Variants in ALDH16A1 observed in about 807,000 individuals in gnomAD.
ALDH16A1 encodes aldehyde dehydrogenase 16 family member A1.
ALDH16A1 carries 88 observed loss-of-function variants against 96.1 expected under a neutral mutation model. The ratio of observed to expected loss-of-function variants is 0.92; its 90% CI spans 0.77 to 1.09. The LOEUF is 1.09. ALDH16A1 is among the 50% of genes least tolerant of loss of function. The probability of loss-of-function intolerance (pLI) is 0.00; values close to 1 mark genes in which losing one functional copy is unlikely to be tolerated. For synonymous variants in ALDH16A1, 522 were observed against 496.4 expected, an observed-to-expected ratio of 1.05 and a Z score of -0.69; for missense variants, 1,250 against 1,112.6, an observed-to-expected ratio of 1.12 and a Z score of -1.76.
At chr19:49,458,088 G>A (rs1046848813) in intron 1 of ALDH16A1, among the ~76,000 whole-genome samples, 4 of 151,992 alleles carry the variant, frequency 2.6e-5, no homozygotes, top group Admixed American at 1.3e-4. Context: ...ATGTGGTGGC[G>A]GGCGCCTGTA....
At position 49,461,721 on chromosome 19, in the gene ALDH16A1, T is replaced by G. The variant is rs1358490752; in HGVS notation, c.680T>G (p.Leu227Arg). 1.9e-6 allele frequency: 3 copies of G among 1,610,148 alleles called. No homozygotes were observed. The highest frequency in any genetic ancestry group is 3.3e-4 in the Middle Eastern group (2 of 6,054). ...CCCTTCCCGGGAATCCTGAATGTCC[T>G]CAGTGGCCCTGCGTCCCTGGTGCCC... ...LGPFPGILNV[L>R]SGPASLVPIL... The change falls in exon 6 of 17, where the codon CTC becomes CGC. Residue 227 changes from leucine (L) to arginine (R), a missense_variant. Physicochemically the swap from Leu to Arg is moderately radical, Grantham distance 102. Transcript: ENST00000293350.
rs759680540 is a variant in ALDH16A1, at chr19:49,459,804, A to G, written c.455A>G (p.Gln152Arg). The G allele has an allele frequency of 5.8e-5, 94 of 1,613,462 alleles. 1 individual carries two copies. In the South Asian group the frequency reaches 1.0e-3, roughly 18 times the overall value. The change falls in exon 4 of 17, where the codon CAG becomes CGG. Residue 152 changes from glutamine (Q) to arginine (R), a missense_variant. Physicochemically the swap from Gln to Arg is conservative, Grantham distance 43. Coordinates refer to ENST00000293350, the MANE Select transcript of ALDH16A1 (RefSeq NM_153329.4). This position sits in a 1 kb window ranked among gnomAD's most constrained non-coding sequence, Gnocchi z 4.1. ...AQQLLHYHAIQASTQEEALAG... is the reference protein window; with the variant it reads ...AQQLLHYHAIRASTQEEALAG... ...CAGCTGCTCCACTACCATGCAATCC[A>G]GGCATCCACCCAGGAGGAGGCACTG...
rs773236314 is a variant in ALDH16A1 at position 49,470,306 on chromosome 19, G to T, written c.2248G>T (p.Gly750Cys). Residue 750 changes from glycine to cysteine, a missense_variant and splice_region_variant, in exon 17 of 17, where the codon GGT becomes TGT. By Grantham distance (159) the Gly-to-Cys change is radical. Transcript: ENST00000293350. ...QAMWYFGSAQ[G>C]SQFVEWASAG... ...TACCCCCGTCTCTTCCTCCCCTCAG[G>T]GTTCCCAGTTTGTCGAGTGGGCCTC... is the stretch of plus-strand genomic sequence containing the variant. 4 of 1,613,322 alleles carry T rather than the reference G, an allele frequency of 2.5e-6. No individual in the cohort carries two copies. In the East Asian group the frequency reaches 6.7e-5, roughly 27 times the overall value.
In ALDH16A1 at chr19:49,464,708, C is replaced by A. The variant is rs1439960510; in HGVS notation, c.1514C>A (p.Thr505Asn). The change falls in exon 12 of 17, where the codon ACC (threonine) becomes AAC (asparagine). Residue 505 changes from threonine (T) to asparagine (N), a missense_variant. Thr to Asn is a moderately conservative substitution (Grantham distance 65). Coordinates refer to ENST00000293350, the MANE Select transcript of ALDH16A1 (RefSeq NM_153329.4). ...CTCTCCAAGAACCTGAACTATGACA[C>A]CTTTGGCCTCGCTGTTCCCTCAACC... The part of the protein sequence containing the change: ...SCLSKNLNYD[T>N]FGLAVPSTLP... 6 of 1,613,472 alleles carry A rather than the reference C, an allele frequency of 3.7e-6. No individual in the cohort carries two copies. The highest frequency in any genetic ancestry group is 2.2e-5 in the East Asian group (1 of 44,902).
In ALDH16A1 at chr19:49,459,118, C is replaced by A; in HGVS notation, c.320+32C>A. 1 of 1,592,680 alleles carries A rather than the reference C, an allele frequency of 6.3e-7. No homozygotes were observed. Among genetic ancestry groups the A allele is most frequent in the Non-Finnish European group, 8.6e-7 (1 of 1,166,502 alleles). On this transcript the variant is annotated intron_variant, in intron 3 of 16. Transcript: ENST00000293350. This position sits in a 1 kb window ranked among gnomAD's most constrained non-coding sequence, Gnocchi z 4.1. Reference sequence around the variant, plus strand: ...CAGCTGAGGTGTGGACCCCGGGAGGCGGGGAACCCCAGCATCCACTCGAGA... The same window carrying A: ...CAGCTGAGGTGTGGACCCCGGGAGGAGGGGAACCCCAGCATCCACTCGAGA...
chr19:49,466,554 T>C (rs1452985821), intron 14 of ALDH16A1, among the ~76,000 whole-genome samples: 1 of 152,076 alleles, frequency 6.6e-6, no homozygotes. Context: ...TGTTAGGCGG[T>C]TCTCACATTG....
Position 49,459,367 on chromosome 19 carries a change from C to T in ALDH16A1, c.320+281C>T, listed in dbSNP as rs1332378645. Among the ~76,000 whole-genome samples, 1 of 152,174 alleles carries T rather than the reference C, an allele frequency of 6.6e-6. No individual in the cohort carries two copies. The highest frequency in any genetic ancestry group is 1.5e-5 in the Non-Finnish European group (1 of 68,038). On this transcript the variant is annotated intron_variant, in intron 3 of 16. Transcript: ENST00000293350. This position sits in a 1 kb window ranked among gnomAD's most constrained non-coding sequence, Gnocchi z 4.1. ...GAAGCCCCTAAATCCATTTCCTAGCCGCTTGCGGGGAAGCTAGAGACAAAA... is the reference window on the plus strand; with the variant it reads ...GAAGCCCCTAAATCCATTTCCTAGCTGCTTGCGGGGAAGCTAGAGACAAAA...
chr19:49,468,159 CAAA>C lies in ALDH16A1; in HGVS notation c.1939-209_1939-207del, dbSNP rs138585582. ...AGGGCGACAGAGTGAGAGTCCGTCT[CAAA>C]AAAAAAAAAAAAGAAAGGCGGTTAT... On this transcript the variant is annotated intron_variant, in intron 14 of 16. Coordinates refer to ENST00000293350, the MANE Select transcript of ALDH16A1 (RefSeq NM_153329.4). This position sits in a 1 kb window ranked among gnomAD's most constrained non-coding sequence, Gnocchi z 4.4. The C allele has an allele frequency of 2.2e-3, 892 of 409,010 alleles. No homozygotes were observed. Among genetic ancestry groups the C allele is most frequent in the South Asian group, 3.3e-3 (101 of 30,686 alleles). The allele number at this position is 409,010 out of a possible 1,614,324, so 25.3% of individuals were successfully genotyped here.
intron 14 of ALDH16A1, among the ~76,000 whole-genome samples, chr19:49,467,752 G>C (rs1186870528): frequency 6.6e-6 from 1 of 151,750 alleles, no homozygotes; most frequent in Non-Finnish European, 1.5e-5. Flanking sequence ...GAACGCGCAG[G>C]CTTGTTACAT....
Position 49,470,649 on chromosome 19 carries a change from T to TTTC in ALDH16A1, c.*184_*185insCTT. Reference sequence around the variant, plus strand: ...TTCTGGCAGATATGAGGCTTTTTTCTTTTTTTTTTTTTTTTTTGAGACAAC... The same window carrying TTTC: ...TTCTGGCAGATATGAGGCTTTTTTCTTTCTTTTTTTTTTTTTTTTTGAGACAAC... On this transcript the variant is annotated 3_prime_UTR_variant, in exon 17 of 17. Transcript: ENST00000293350. 8.1e-6 allele frequency: 1 copy of TTTC among 123,970 alleles called. No homozygotes were observed. The highest frequency in any genetic ancestry group is 6.2e-5 in the African/African-American group (1 of 16,038). 7.7% of individuals were successfully genotyped at this position (123,970 alleles called of 1,614,324 possible).
chr19:49,453,658 A>G (rs1004622272), intron 1 of ALDH16A1, among the ~76,000 whole-genome samples: 1 of 151,950 alleles, frequency 6.6e-6, no homozygotes, highest in Non-Finnish European at 1.5e-5. Flanking sequence ...CTTGATCCTG[A>G]ACTCCTCGTA....
chr19:49,462,621 C>T lies in ALDH16A1; in HGVS notation c.964C>T (p.Arg322Trp), dbSNP rs1328611372. ...QESVWDEAMR[R>W]LQERMGRLRS... is the part of the protein sequence containing the mutation. ...GTCTGTGTGGGATGAAGCCATGAGA[C>T]GGCTGCAGGAGCGGATGGGGCGGCT... The change falls in exon 8 of 17, where the codon CGG (arginine) becomes TGG (tryptophan). Residue 322 changes from arginine to tryptophan, a missense_variant. Arg to Trp is a moderately radical substitution (Grantham distance 101, BLOSUM62 -3). Coordinates refer to ENST00000293350, the MANE Select transcript of ALDH16A1 (RefSeq NM_153329.4). 13 of 1,613,006 alleles carry T rather than the reference C, an allele frequency of 8.1e-6. No individual in the cohort carries two copies. The highest frequency in any genetic ancestry group is 2.2e-5 in the East Asian group (1 of 44,876).
At position 49,459,855 on chromosome 19, in the gene ALDH16A1, C is replaced by A. The variant is rs750082675; in HGVS notation, c.499+7C>A. On this transcript the variant is annotated splice_region_variant and intron_variant, in intron 4 of 16. Transcript: ENST00000293350. This position sits in a 1 kb window ranked among gnomAD's most constrained non-coding sequence, Gnocchi z 4.1. ...GCAGGCTGGGAGCCCATGGGTGAGA[C>A]CCTGGAGTCCCTAGCCCTATCCTCC... 1 of 1,612,040 alleles carries A rather than the reference C, an allele frequency of 6.2e-7. No homozygotes were observed. Among genetic ancestry groups the A allele is most frequent in the Admixed American group, 1.7e-5 (1 of 59,674 alleles).
chr19:49,465,781 G>C lies in ALDH16A1; in HGVS notation c.1612G>C (p.Ala538Pro), dbSNP rs766273749. The C allele has an allele frequency of 1.2e-6, 2 of 1,614,112 alleles. No homozygotes were observed. The highest frequency in any genetic ancestry group is 3.3e-5 in the Admixed American group (2 of 60,014). The stretch of plus-strand genomic sequence containing the variant: ...GCTCTTCGTTGGGGGCCGTTTCCAG[G>C]CTCCTGGGGCCCGAAGCTCCAGGCC... ...YGLFVGGRFQ[A>P]PGARSSRPIR... Residue 538 changes from alanine to proline, a missense_variant, in exon 13 of 17, where the codon GCT becomes CCT. Ala to Pro is a conservative substitution (Grantham distance 27). Transcript: ENST00000293350.
rs374611857 is a variant in ALDH16A1 at position 49,468,916 on chromosome 19, G to A, written c.2177G>A (p.Arg726Gln). The change falls in exon 16 of 17, where the codon CGG becomes CAG. Residue 726 changes from arginine to glutamine, a missense_variant. Physicochemically the swap from Arg to Gln is conservative, Grantham distance 43. Coordinates refer to ENST00000293350, the MANE Select transcript of ALDH16A1 (RefSeq NM_153329.4). This position sits in a 1 kb window ranked among gnomAD's most constrained non-coding sequence, Gnocchi z 4.4. ...AGLANVVTGD[R>Q]DHLTRCLALH... ...CTGGCCAACGTGGTGACAGGAGACC[G>A]GGACCATCTGACCCGCTGCCTGGCC... 1.2e-5 allele frequency: 20 copies of A among 1,613,898 alleles called. No homozygotes were observed. The highest frequency in any genetic ancestry group is 2.2e-5 in the East Asian group (1 of 44,890).
In ALDH16A1 at chr19:49,470,663, T is replaced by TTTTC; in HGVS notation, c.*199_*200insCTTT. Reference sequence around the variant, plus strand: ...AGGCTTTTTTCTTTTTTTTTTTTTTTTTTGAGACAACGTCTGGCTCTGTCA... The same window carrying TTTTC: ...AGGCTTTTTTCTTTTTTTTTTTTTTTTTTCTTTGAGACAACGTCTGGCTCTGTCA... On this transcript the variant is annotated 3_prime_UTR_variant, in exon 17 of 17. Transcript: ENST00000293350. 1.8e-6 allele frequency: 1 copy of TTTTC among 557,418 alleles called. No homozygotes were observed. Among genetic ancestry groups the TTTTC allele is most frequent in the Non-Finnish European group, 2.8e-6 (1 of 356,968 alleles). The allele number at this position is 557,418 out of a possible 1,614,324, so 34.5% of individuals were successfully genotyped here. A position where few individuals can be genotyped will look rare whatever the true frequency, so the allele number is the denominator to read the frequency against.
chr19:49,460,875 A>G lies in ALDH16A1; in HGVS notation c.553A>G (p.Arg185Gly). 1 of 1,613,652 alleles carries G rather than the reference A, an allele frequency of 6.2e-7. No homozygotes were observed. The highest frequency in any genetic ancestry group is 1.3e-5 in the African/African-American group (1 of 75,002). Residue 185 changes from arginine (R) to glycine (G), a missense_variant, in exon 5 of 17, where the codon AGG (arginine) becomes GGG (glycine). By Grantham distance (125) the Arg-to-Gly change is moderately radical. Transcript: ENST00000293350. Reference sequence around the variant, plus strand: ...ATTCTCCTTCCTTGAGATGATGTGGAGGATTTGCCCTGCCCTGGCTGTGGG... The same window carrying G: ...ATTCTCCTTCCTTGAGATGATGTGGGGGATTTGCCCTGCCCTGGCTGTGGG... Reference protein sequence around the residue: ...PTFSFLEMMWRICPALAVGCT... With the variant: ...PTFSFLEMMWGICPALAVGCT...
chr19:49,467,551 C>T (rs1325955967), intron 14 of ALDH16A1, among the ~76,000 whole-genome samples: 1 of 151,488 alleles, frequency 6.6e-6, no homozygotes, highest in South Asian at 2.1e-4. Context: ...CCCACCACCA[C>T]ACCCGGCTAA....
At position 49,461,797 on chromosome 19, in the gene ALDH16A1, G is replaced by A. The variant is rs138482811; in HGVS notation, c.756G>A (p.Pro252=). 3.5e-5 allele frequency: 56 copies of A among 1,610,676 alleles called. No homozygotes were observed. The Admixed American group carries it at 3.8e-4, about 11-fold the overall frequency. ...GIRKVAFCGA[P]EEGRALRRSL... is the part of the protein sequence containing the mutation. ...GGAAGGTGGCCTTCTGCGGAGCCCC[G>A]GAGGTACCTTCGGGACAGGGGTCGT... The change falls in exon 6 of 17, where the codon CCG becomes CCA. Residue 252 remains proline, a synonymous_variant. Transcript: ENST00000293350.
Sources: allele counts gnomAD v4.1 joint callset (sites outside exome capture counted in the v4.1 genomes callset), GRCh38; gene constraint gnomAD v4.1.1; non-coding constraint Gnocchi (gnomAD v3.1); transcripts MANE v1.5; gene names NCBI Gene and HGNC (gene_info 2026-07-23, HGNC 2026-07-21).